CECR2: variants seen among roughly 807,000 people sequenced by gnomAD.
The protein encoded by CECR2 is chromatin remodeling regulator CECR2.
A neutral mutation model predicts 154.5 loss-of-function variants in CECR2; 30 were observed. The ratio of observed to expected loss-of-function variants is 0.19; its 90% CI spans 0.15 to 0.26. The LOEUF (loss-of-function observed/expected upper bound fraction) is 0.26, where lower values mean the gene tolerates loss of function less well. CECR2 is among the 10% of genes least tolerant of loss of function. The probability of loss-of-function intolerance (pLI) is 1.00; values close to 1 mark genes in which losing one functional copy is unlikely to be tolerated. For synonymous variants in CECR2, 725 were observed against 683.7 expected, an observed-to-expected ratio of 1.06 and a Z score of -0.94; for missense variants, 1,743 against 1,829.3, an observed-to-expected ratio of 0.95 and a Z score of 0.86.
At chr22:17,524,387 CTTTTTTTTT>C (rs200102476) in intron 9 of CECR2, 116 bp downstream of exon 9, 19 of 392,348 alleles carry the variant, frequency 4.8e-5, no homozygotes, top group African/African-American at 1.2e-4. Context: ...CCGGCAATTT[CTTTTTTTTT>C]TTTTTTTTTT....
intron 1 of CECR2, among the ~76,000 whole-genome samples, chr22:17,403,943 A>G (rs1246376589): frequency 6.6e-6 from 1 of 151,926 alleles, no homozygotes; most frequent in African/African-American, 2.4e-5. Context: ...GGGAGGGGGC[A>G]TGTGTTTAGT....
intron 1 of CECR2, among the ~76,000 whole-genome samples, chr22:17,416,264 A>T (rs560279272): frequency 2.9e-4 from 44 of 152,350 alleles, no homozygotes; most frequent in African/African-American, 1.0e-3. Flanking sequence ...CCTTAAAATG[A>T]TTACTAATAT....
intron 1 of CECR2, among the ~76,000 whole-genome samples, chr22:17,379,474 T>C (rs1275042695): frequency 2.0e-5 from 3 of 152,106 alleles, no homozygotes; most frequent in African/African-American, 7.2e-5. Context: ...TGCCATTGCC[T>C]GTCAGGGCAC....
chr22:17,428,798 T>TTGTGTGTGTGTGTGTGTGTG (rs60474818), intron 1 of CECR2, among the ~76,000 whole-genome samples: 5,164 of 136,176 alleles, frequency 0.038, 124 homozygotes, highest in African/African-American at 0.061. Flanking sequence ...ATGTTTTTAT[T>TTGTGTGTGTGTGTGTGTGTG]TGTGTGTGTG....
chr22:17,535,389 A>G (rs1046226885), intron 9 of CECR2, among the ~76,000 whole-genome samples: 5 of 152,270 alleles, frequency 3.3e-5, no homozygotes, highest in South Asian at 2.1e-4. Context: ...TGAAGTTTAC[A>G]TATATACTTT....
At chr22:17,513,103 T>C (rs2055988906) in intron 8 of CECR2, among the ~76,000 whole-genome samples, 1 of 152,044 alleles carries the variant, frequency 6.6e-6, no homozygotes, top group Non-Finnish European at 1.5e-5. Context: ...TTCTGTAGTG[T>C]AGCTCAGGAG....
Position 17,500,703 on chromosome 22 carries a change from A to G in CECR2, c.618A>G (p.Lys206=). ...GAAAAAGAAGAGGAAGACCCCCAAA[A>G]CGGAAGAAACTGCAGGAGGAGATTC... The part of the protein sequence containing the change: ...KTGKRRGRPP[K]RKKLQEEILL... The change falls in exon 5 of 19, where the codon AAA becomes AAG. Residue 206 remains lysine, a synonymous_variant. Coordinates refer to ENST00000262608, the MANE Select transcript of CECR2 (RefSeq NM_001290047.2). 1 of 1,555,946 alleles carries G rather than the reference A, an allele frequency of 6.4e-7. No homozygotes were observed. Among genetic ancestry groups the G allele is most frequent in the Non-Finnish European group, 8.7e-7 (1 of 1,149,752 alleles).
At chr22:17,412,376 C>G (rs916031726) in intron 1 of CECR2, among the ~76,000 whole-genome samples, 1 of 152,158 alleles carries the variant, frequency 6.6e-6, no homozygotes, top group African/African-American at 2.4e-5. Flanking sequence ...GTTTCTAGCT[C>G]TTCTTTCCTT....
rs1475819590 is a variant in CECR2 at position 17,548,446 on chromosome 22, C to T, written c.3159C>T (p.Ser1053=). ...LSTVADRGAL[S]ENGVIGEASP... ...CGGTGGCAGACAGGGGCGCTCTATCCGAGAACGGAGTCATTGGGGAAGCAT... is the reference window on the plus strand; with the variant it reads ...CGGTGGCAGACAGGGGCGCTCTATCTGAGAACGGAGTCATTGGGGAAGCAT... Residue 1053 remains serine, a synonymous_variant, in exon 17 of 19, where the codon TCC becomes TCT. Transcript: ENST00000262608. The T allele has an allele frequency of 2.5e-6, 4 of 1,613,994 alleles. No homozygotes were observed. The highest frequency in any genetic ancestry group is 2.2e-5 in the East Asian group (1 of 44,884).
Position 17,393,841 on chromosome 22 carries a change from G to A in CECR2, c.126+23932G>A, listed in dbSNP as rs942415445. 4.0e-5 allele frequency among the ~76,000 whole-genome samples: 6 copies of A among 151,800 alleles called. No homozygotes were observed. In the East Asian group the frequency reaches 5.8e-4, roughly 15 times the overall value. On this transcript the variant is annotated intron_variant, in intron 1 of 18. Coordinates refer to ENST00000262608, the MANE Select transcript of CECR2 (RefSeq NM_001290047.2). ...CATCCTTTGCCAGTTTTAAAAAATG[G>A]GCTGTTTGTATTTTCATTATTGAGG...
intron 1 of CECR2, among the ~76,000 whole-genome samples, chr22:17,439,801 G>A (rs781617052): frequency 9.2e-5 from 14 of 152,276 alleles, no homozygotes; most frequent in Non-Finnish European, 1.5e-4. Context: ...TCATTGCAGC[G>A]TGGTTCTGTG....
chr22:17,367,668 TA>T (rs200141883), upstream of CECR2, among the ~76,000 whole-genome samples: 2,939 of 152,262 alleles, frequency 0.019, 128 homozygotes, highest in East Asian at 0.2. Flanking sequence ...ATTACAGGCG[TA>T]AGCCACCGCG....
intron 1 of CECR2, among the ~76,000 whole-genome samples, chr22:17,400,546 G>A (rs554735719): frequency 1.3e-5 from 2 of 152,288 alleles, no homozygotes; most frequent in East Asian, 1.9e-4. Context: ...TGAAGTCTTT[G>A]TTTTATGGCG....
At chr22:17,467,569 G>A (rs1251364438) in intron 1 of CECR2, among the ~76,000 whole-genome samples, 1 of 152,076 alleles carries the variant, frequency 6.6e-6, no homozygotes, top group Non-Finnish European at 1.5e-5. Context: ...AGATCACAAG[G>A]TCAGGAGTTC....
intron 1 of CECR2, among the ~76,000 whole-genome samples, chr22:17,456,002 C>CA (rs2054848403): frequency 6.6e-6 from 1 of 152,070 alleles, no homozygotes; most frequent in African/African-American, 2.4e-5. Flanking sequence ...TCAGCAGATC[C>CA]AAAATCATGT....
At position 17,538,632 on chromosome 22, in the gene CECR2, G is replaced by A; in HGVS notation, c.1277-8G>A. 6.2e-7 allele frequency: 1 copy of A among 1,613,902 alleles called. No homozygotes were observed. The highest frequency in any genetic ancestry group is 8.5e-7 in the Non-Finnish European group (1 of 1,179,844). On this transcript the variant is annotated splice_polypyrimidine_tract_variant and splice_region_variant and intron_variant, in intron 11 of 18. Transcript: ENST00000262608. Reference sequence around the variant, plus strand: ...TGAGTGTGTTAAGATCTCTTCTCTGGCTTTCAGTTCTAGACGTGGTAAAGG... The same window carrying A: ...TGAGTGTGTTAAGATCTCTTCTCTGACTTTCAGTTCTAGACGTGGTAAAGG...
chr22:17,532,189 T>C (rs893181315), intron 9 of CECR2, among the ~76,000 whole-genome samples: 4 of 152,114 alleles, frequency 2.6e-5, no homozygotes, highest in African/African-American at 7.2e-5. Flanking sequence ...GGGTGGGTAG[T>C]GGGTTGCATT....
chr22:17,447,033 C>CTGTTTTGTTTTT (rs1339121774), intron 1 of CECR2, among the ~76,000 whole-genome samples: 1 of 114,110 alleles, frequency 8.8e-6, no homozygotes, highest in African/African-American at 3.8e-5. Flanking sequence ...CGTTTACAAT[C>CTGTTTTGTTTTT]TTTTTTTTTT....
chr22:17,536,981 A>G lies in CECR2; in HGVS notation c.1109-122A>G, dbSNP rs1031619073. On this transcript the variant is annotated intron_variant, in intron 9 of 18. Coordinates refer to ENST00000262608, the MANE Select transcript of CECR2 (RefSeq NM_001290047.2). ...CCAAAAAGAGGGTGGCACAGGGAGC[A>G]GAAGTTGCTTCATAATCCTGCTTTG... 6 of 1,136,682 alleles carry G rather than the reference A, an allele frequency of 5.3e-6. No homozygotes were observed. The African/African-American group carries it at 9.4e-5, about 18-fold the overall frequency. 70.4% of individuals were successfully genotyped at this position (1,136,682 alleles called of 1,614,324 possible).
Sources: gnomAD v4.1 joint callset for allele counts (sites outside exome capture counted in the v4.1 genomes callset) on GRCh38, gnomAD v4.1.1 for gene constraint, MANE v1.5 for transcripts, NCBI Gene and HGNC (gene_info 2026-07-23, HGNC 2026-07-21) for gene names.